The following PRKD1 variants were observed in gnomAD, a reference collection of about 807,000 sequenced individuals.
PRKD1 encodes protein kinase D1.
A neutral mutation model predicts 95.9 loss-of-function variants in PRKD1; 63 were observed. The observed-to-expected ratio is 0.66, with a 90% CI of 0.54 to 0.81. The LOEUF (loss-of-function observed/expected upper bound fraction) is 0.81, where lower values mean the gene tolerates loss of function less well. Among genes scored for constraint, PRKD1 ranks in the 30% least tolerant of loss-of-function variants. PRKD1 has a pLI of 0.00. For missense variants in PRKD1, 1,048 were observed against 1,165.3 expected, an observed-to-expected ratio of 0.90 and a Z score of 1.47; for synonymous variants, 425 against 423.1, an observed-to-expected ratio of 1.00 and a Z score of -0.05.
At chr14:29,627,638 CTTTA>C (rs1879711647) in intron 11 of PRKD1, among the ~76,000 whole-genome samples, 1 of 152,086 alleles carries the variant, frequency 6.6e-6, no homozygotes, top group African/African-American at 2.4e-5. Context: ...TATACTCTGA[CTTTA>C]TTTTTTTAAA....
intron 1 of PRKD1, among the ~76,000 whole-genome samples, chr14:29,729,474 C>T (rs1429522774): frequency 6.6e-6 from 1 of 152,056 alleles, no homozygotes; most frequent in East Asian, 1.9e-4. Context: ...ATGTGATTCC[C>T]TTACCACCCT....
At chr14:29,597,932 T>C (rs1446849664) in intron 15 of PRKD1, among the ~76,000 whole-genome samples, 174 bp from the exon 16 acceptor site, 1 of 152,160 alleles carries the variant, frequency 6.6e-6, no homozygotes, top group African/African-American at 2.4e-5. Context: ...AAGACAGTGG[T>C]TTATGTAGTG....
intron 1 of PRKD1, among the ~76,000 whole-genome samples, chr14:29,742,476 T>G (rs1234004143): frequency 6.6e-6 from 1 of 152,192 alleles, no homozygotes; most frequent in African/African-American, 2.4e-5. Context: ...CATAGAGAAA[T>G]GTATCATACT....
intron 1 of PRKD1, among the ~76,000 whole-genome samples, chr14:29,800,136 G>A (rs1184456104): frequency 6.6e-6 from 1 of 152,170 alleles, no homozygotes. Flanking sequence ...ATGAGATTAT[G>A]TATAGGTCGT....
chr14:29,855,138 T>G (rs1282517937), intron 1 of PRKD1, among the ~76,000 whole-genome samples: 2 of 152,094 alleles, frequency 1.3e-5, no homozygotes, highest in African/African-American at 4.8e-5. Context: ...AGTGGAGCTG[T>G]GAGAAGAAGG....
At chr14:29,624,826 C>A (rs921451413) in intron 12 of PRKD1, among the ~76,000 whole-genome samples, 4 of 152,080 alleles carry the variant, frequency 2.6e-5, no homozygotes, top group Non-Finnish European at 5.9e-5. Flanking sequence ...GGTTAGTTAT[C>A]ATCATCATCA....
intron 1 of PRKD1, among the ~76,000 whole-genome samples, chr14:29,743,394 A>G (rs1887068465): frequency 6.6e-6 from 1 of 152,174 alleles, no homozygotes; most frequent in Non-Finnish European, 1.5e-5. Context: ...AAACATTTGA[A>G]TTAAACATGG....
intron 1 of PRKD1, among the ~76,000 whole-genome samples, chr14:29,905,764 T>C (rs918153750): frequency 2.0e-5 from 3 of 152,174 alleles, no homozygotes; most frequent in African/African-American, 7.2e-5. Context: ...CACGCAACTG[T>C]TTGCTTAAAA....
chr14:29,698,422 T>C (rs568316938), intron 2 of PRKD1, among the ~76,000 whole-genome samples: 2 of 152,274 alleles, frequency 1.3e-5, no homozygotes, highest in Admixed American at 6.5e-5. Context: ...AAAAGATATA[T>C]TAAAAATGAC....
chr14:29,825,017 T>C (rs752027330), intron 1 of PRKD1, among the ~76,000 whole-genome samples: 3 of 152,098 alleles, frequency 2.0e-5, no homozygotes, highest in African/African-American at 4.8e-5. Flanking sequence ...CTGTATTTCA[T>C]GGAAGGATTG....
intron 2 of PRKD1, among the ~76,000 whole-genome samples, chr14:29,684,477 ATTG>A (rs1235102429): frequency 1.3e-5 from 2 of 152,206 alleles, no homozygotes; most frequent in East Asian, 1.9e-4. Context: ...TCCTTCAGAC[ATTG>A]TTATCACCTT....
At chr14:29,776,340 C>T (rs549115147) in intron 1 of PRKD1, among the ~76,000 whole-genome samples, 1 of 152,132 alleles carries the variant, frequency 6.6e-6, no homozygotes, top group African/African-American at 2.4e-5. Flanking sequence ...GACGATCAAA[C>T]TTCTCCGAGC....
chr14:29,914,151 C>T (rs1334460590), intron 1 of PRKD1, among the ~76,000 whole-genome samples: 1 of 152,180 alleles, frequency 6.6e-6, no homozygotes, highest in African/African-American at 2.4e-5. Context: ...ACACTTACAT[C>T]TACATTTTTG....
At chr14:29,782,837 C>T (rs2139172915) in intron 1 of PRKD1, among the ~76,000 whole-genome samples, 1 of 152,294 alleles carries the variant, frequency 6.6e-6, no homozygotes, top group East Asian at 1.9e-4. Context: ...AGCCACTGCC[C>T]CTGGCCCAAA....
intron 1 of PRKD1, among the ~76,000 whole-genome samples, chr14:29,745,433 T>G (rs1166919796): frequency 6.6e-6 from 1 of 152,178 alleles, no homozygotes; most frequent in East Asian, 1.9e-4. Flanking sequence ...ACGTGAGCTG[T>G]TTTATCTCAC....
intron 1 of PRKD1, among the ~76,000 whole-genome samples, chr14:29,735,556 G>T (rs1334136199): frequency 1.3e-5 from 2 of 152,162 alleles, no homozygotes; most frequent in Non-Finnish European, 2.9e-5. Flanking sequence ...CCATTTCCCT[G>T]AATAACAGCT....
At chr14:29,658,547 A>G (rs753966190) in intron 4 of PRKD1, among the ~76,000 whole-genome samples, 2 of 152,192 alleles carry the variant, frequency 1.3e-5, no homozygotes, top group Non-Finnish European at 2.9e-5. Context: ...AGAAACACAG[A>G]GACAGCTCTA....
At chr14:29,808,173 A>G (rs542450382) in intron 1 of PRKD1, among the ~76,000 whole-genome samples, 1 of 152,160 alleles carries the variant, frequency 6.6e-6, no homozygotes, top group East Asian at 1.9e-4. Context: ...AAATCCTGCC[A>G]CTGCTTTATC....
At chr14:29,698,492 T>C (rs1279945624) in intron 2 of PRKD1, among the ~76,000 whole-genome samples, 2 of 152,170 alleles carry the variant, frequency 1.3e-5, no homozygotes. Flanking sequence ...AATTTCTGCT[T>C]TCCAGTTTGT....
Sources: allele counts gnomAD v4.1 joint callset (sites outside exome capture counted in the v4.1 genomes callset), GRCh38; gene constraint gnomAD v4.1.1; transcripts MANE v1.5; gene names NCBI Gene and HGNC (gene_info 2026-07-23, HGNC 2026-07-21).